The following PUM2 variants were observed in gnomAD, a reference collection of about 807,000 sequenced individuals.
PUM2 encodes the protein pumilio RNA binding family member 2.
In PUM2, 57 loss-of-function variants were observed where a neutral mutation model predicts 124.5. The observed-to-expected ratio is 0.46, with a 90% CI of 0.37 to 0.57. The LOEUF is 0.57. Among genes scored for constraint, PUM2 ranks in the 20% least tolerant of loss-of-function variants. The pLI is 0.00. For missense variants in PUM2, 1,065 were observed against 1,290.6 expected, an observed-to-expected ratio of 0.83 and a Z score of 2.68; for synonymous variants, 460 against 446.1, an observed-to-expected ratio of 1.03 and a Z score of -0.39.
chr2:20,321,872 C>T (rs969856461), intron 2 of PUM2, among the ~76,000 whole-genome samples: 1 of 152,106 alleles, frequency 6.6e-6, no homozygotes. Context: ...ATCTGCTCTT[C>T]TATCCTAACT....
chr2:20,264,104 C>T (rs953991228), intron 13 of PUM2, among the ~76,000 whole-genome samples: 4 of 150,710 alleles, frequency 2.7e-5, no homozygotes, highest in East Asian at 3.9e-4. Flanking sequence ...TTTGGATGGT[C>T]GAGGAGGGCG....
chr2:20,323,613 T>C (rs1219617447), intron 2 of PUM2, among the ~76,000 whole-genome samples: 1 of 152,036 alleles, frequency 6.6e-6, no homozygotes, highest in Non-Finnish European at 1.5e-5. Flanking sequence ...ACTTTAACGA[T>C]TTTGTCCATA....
At chr2:20,262,894 C>G (rs559227264) in intron 14 of PUM2, among the ~76,000 whole-genome samples, 106 of 152,258 alleles carry the variant, frequency 7.0e-4, no homozygotes, top group African/African-American at 2.5e-3. Context: ...ATGAGGGTCA[C>G]TTAAGCCCAC....
Position 20,334,067 on chromosome 2 carries a change from C to T in PUM2, c.-18-6689G>A, listed in dbSNP as rs146442651. ...ATGCTTTCTGTACAGCCTGTAGAAC[C>T]ATGAGACAATTCAACCTCTTTTCTT... On this transcript the variant is annotated intron_variant, in intron 1 of 20. Coordinates refer to ENST00000361078, the MANE Select transcript of PUM2 (RefSeq NM_015317.5). 9.5e-4 allele frequency among the ~76,000 whole-genome samples: 144 copies of T among 152,278 alleles called. 1 individual carries two copies. The highest frequency in any genetic ancestry group is 3.1e-3 in the African/African-American group (129 of 41,542).
At chr2:20,294,316 A>G (rs1301189484) in intron 9 of PUM2, 60 bp downstream of exon 9, 1 of 1,575,190 alleles carries the variant, frequency 6.3e-7, no homozygotes, top group Admixed American at 1.8e-5. Context: ...AATCTTAAAC[A>G]TTAGGAGCTC....
chr2:20,335,320 CAAATT>C (rs1334925782), intron 1 of PUM2, among the ~76,000 whole-genome samples: 1 of 152,202 alleles, frequency 6.6e-6, no homozygotes, highest in Non-Finnish European at 1.5e-5. Context: ...TTCTGCTCAG[CAAATT>C]AAATCACTTT....
At chr2:20,254,309 C>T (rs180825788) in intron 19 of PUM2, among the ~76,000 whole-genome samples, 155 of 152,116 alleles carry the variant, frequency 1.0e-3, no homozygotes, top group African/African-American at 3.5e-3. Flanking sequence ...TACAGGCATG[C>T]GCCACCACGC....
At chr2:20,252,012 C>T (rs1034168909) in intron 20 of PUM2, among the ~76,000 whole-genome samples, 4 of 152,030 alleles carry the variant, frequency 2.6e-5, no homozygotes, top group African/African-American at 9.7e-5. Context: ...GAATTTATTC[C>T]ACCAAAAAAA....
intron 1 of PUM2, among the ~76,000 whole-genome samples, chr2:20,348,140 C>G (rs1313731428): frequency 6.6e-6 from 1 of 151,654 alleles, no homozygotes; most frequent in East Asian, 1.9e-4. Flanking sequence ...CTGGGCAACA[C>G]AGCAAGACCT....
At chr2:20,350,866 C>G (rs1689253461), upstream of PUM2, 2 of 880,434 alleles carry the variant, frequency 2.3e-6, no homozygotes, top group East Asian at 1.2e-4. Context: ...ACCGGGCGCG[C>G]GCAGTGCACC....
At chr2:20,260,191 C>T in intron 15 of PUM2, 146 bp downstream of exon 15, 1 of 874,542 alleles carries the variant, frequency 1.1e-6, no homozygotes, top group Non-Finnish European at 1.6e-6. Flanking sequence ...AAAATGTTTA[C>T]CGCATATATA....
intron 8 of PUM2, 114 bp downstream of exon 8, chr2:20,297,438 GT>G: frequency 9.8e-7 from 1 of 1,022,208 alleles, no homozygotes; most frequent in South Asian, 2.6e-5. Context: ...TCTGGATAAT[GT>G]TTCAGTTTTT....
chr2:20,335,680 T>TTC (rs1685848672), intron 1 of PUM2, among the ~76,000 whole-genome samples: 1 of 152,234 alleles, frequency 6.6e-6, no homozygotes, highest in Admixed American at 6.5e-5. Flanking sequence ...AAGAATAGTA[T>TTC]TACTGACTCA....
At chr2:20,266,087 G>A (rs1667576050) in intron 13 of PUM2, among the ~76,000 whole-genome samples, 1 of 152,060 alleles carries the variant, frequency 6.6e-6, no homozygotes, top group Non-Finnish European at 1.5e-5. Flanking sequence ...ACACTGCCTT[G>A]AATTTTAAAA....
At chr2:20,326,221 T>C in intron 2 of PUM2, 1 of 1,278,952 alleles carries the variant, frequency 7.8e-7, no homozygotes, top group Non-Finnish European at 1.0e-6. Flanking sequence ...GTCTAACAAA[T>C]TTATTTTGGC....
rs540834151 is a variant in PUM2, at chr2:20,292,816, A to G, written c.1152+1560T>C. On this transcript the variant is annotated intron_variant, in intron 9 of 20. Transcript: ENST00000361078. ...CATGATGGCACGTGCCTGTCATCCC[A>G]GCTACTTGGGAGGCTGAGGCAAGAG... Among the ~76,000 whole-genome samples the G allele has an allele frequency of 5.4e-4, 82 of 152,242 alleles. No homozygotes were observed. In the Middle Eastern group the frequency reaches 0.014, roughly 25 times the overall value.
intron 2 of PUM2, among the ~76,000 whole-genome samples, chr2:20,324,432 A>G (rs1297203978): frequency 1.3e-5 from 2 of 152,236 alleles, no homozygotes; most frequent in Non-Finnish European, 2.9e-5. Context: ...ATATTAATTC[A>G]GTGATTTAAA....
At chr2:20,332,740 T>C (rs1685183250) in intron 1 of PUM2, among the ~76,000 whole-genome samples, 1 of 152,214 alleles carries the variant, frequency 6.6e-6, no homozygotes, top group South Asian at 2.1e-4. Flanking sequence ...TTTAGTGACT[T>C]TATCCGAATG....
intron 2 of PUM2, among the ~76,000 whole-genome samples, chr2:20,323,822 C>T (rs1454897692): frequency 1.4e-5 from 2 of 139,014 alleles, no homozygotes; most frequent in Non-Finnish European, 3.0e-5. Context: ...TCACATTTAA[C>T]TACCATAAAA....
Sources: allele counts gnomAD v4.1 joint callset (sites outside exome capture counted in the v4.1 genomes callset), GRCh38; gene constraint gnomAD v4.1.1; transcripts MANE v1.5; gene names NCBI Gene and HGNC (gene_info 2026-07-23, HGNC 2026-07-21).